Variants in PDZRN4 observed in about 807,000 individuals in gnomAD.
PDZRN4 encodes PDZ domain-containing RING finger protein 4.
PDZRN4 carries 70 observed loss-of-function variants against 99.0 expected under a neutral mutation model. That is an observed-to-expected ratio of 0.71 (90% confidence interval 0.58 to 0.86). The LOEUF is 0.86. PDZRN4 is among the 40% of genes least tolerant of loss of function. The probability of loss-of-function intolerance (pLI) is 0.00; values close to 1 mark genes in which losing one functional copy is unlikely to be tolerated. For missense variants in PDZRN4, 1,474 were observed against 1,331.2 expected (o/e 1.11, Z -1.67); for synonymous variants, 551 against 501.6 (o/e 1.10, Z -1.32).
intron 3 of PDZRN4, chr12:41,437,910 A>T (rs1565582643): frequency 6.2e-7 from 1 of 1,613,856 alleles, no homozygotes; most frequent in Non-Finnish European, 8.5e-7. Flanking sequence ...TTCTGGGGAA[A>T]TTAGAAGATT....
At chr12:41,477,888 C>A (rs1488660754) in intron 3 of PDZRN4, 1 of 1,552,244 alleles carries the variant, frequency 6.4e-7, no homozygotes, top group Non-Finnish European at 8.7e-7. Context: ...TTTCCTTAAA[C>A]CTTTGGCATT....
At chr12:41,439,522 G>A (rs2120463555) in intron 3 of PDZRN4, among the ~76,000 whole-genome samples, 2 of 152,220 alleles carry the variant, frequency 1.3e-5, no homozygotes, top group Admixed American at 1.3e-4. Context: ...ATTATGCCTA[G>A]GTTAAGCTGT....
intron 3 of PDZRN4, among the ~76,000 whole-genome samples, chr12:41,482,892 C>T (rs1937699713): frequency 1.3e-5 from 2 of 151,916 alleles, no homozygotes; most frequent in Admixed American, 6.6e-5. Flanking sequence ...AGCAGGGCAT[C>T]CATCAGAGGT....
chr12:41,475,930 T>C (rs1953039174), intron 3 of PDZRN4, among the ~76,000 whole-genome samples: 2 of 152,206 alleles, frequency 1.3e-5, no homozygotes, highest in Admixed American at 1.3e-4. Flanking sequence ...TTTTAAGCTA[T>C]AGTTCCACAT....
intron 5 of PDZRN4, among the ~76,000 whole-genome samples, chr12:41,548,742 A>T (rs1939002010): frequency 6.6e-6 from 1 of 152,198 alleles, no homozygotes; most frequent in African/African-American, 2.4e-5. Flanking sequence ...AGTTCTATCT[A>T]GAAAGCATTT....
intron 9 of PDZRN4, among the ~76,000 whole-genome samples, chr12:41,569,705 T>C (rs530864695): frequency 6.6e-6 from 1 of 152,344 alleles, no homozygotes; most frequent in South Asian, 2.1e-4. Flanking sequence ...GAAATGTGTA[T>C]GTGTGTGCAC....
intron 3 of PDZRN4, chr12:41,437,682 G>C (rs1952642260): frequency 1.6e-6 from 2 of 1,246,024 alleles, no homozygotes; most frequent in East Asian, 5.5e-5. Flanking sequence ...CTGATGCAGA[G>C]ACGGGGGAGT....
chr12:41,257,113 G>T (rs536569227), intron 3 of PDZRN4, among the ~76,000 whole-genome samples: 20 of 152,190 alleles, frequency 1.3e-4, no homozygotes, highest in Non-Finnish European at 2.6e-4. Flanking sequence ...ACTCCAAATT[G>T]CAGCCTAAGT....
intron 6 of PDZRN4, among the ~76,000 whole-genome samples, chr12:41,554,839 G>T (rs1236578863): frequency 6.6e-6 from 1 of 151,714 alleles, no homozygotes; most frequent in African/African-American, 2.4e-5. Flanking sequence ...GTGTGTGTGT[G>T]TTTCTTGAGC....
intron 3 of PDZRN4, among the ~76,000 whole-genome samples, chr12:41,233,089 A>G (rs1262608828): frequency 6.6e-6 from 1 of 152,110 alleles, no homozygotes; most frequent in African/African-American, 2.4e-5. Context: ...GTATAGTTTG[A>G]AAATAAAAAA....
In PDZRN4 at chr12:41,524,123, T is replaced by A. The variant is rs1938532835; in HGVS notation, c.1203+14210T>A. On this transcript the variant is annotated intron_variant, in intron 5 of 9. Transcript: ENST00000402685. ...ATTTCATTCACAACAGCATTAAAGA[T>A]AAAATACTTAGGAATAAGTATAGCC... Among the ~76,000 whole-genome samples, 5 of 152,110 alleles carry A rather than the reference T, an allele frequency of 3.3e-5. No homozygotes were observed. In the South Asian group the frequency reaches 8.3e-4, roughly 25 times the overall value.
At chr12:41,477,069 A>G (rs2730814) in intron 3 of PDZRN4, among the ~76,000 whole-genome samples, 83,496 of 152,060 alleles carry the variant, frequency 0.55, 24,064 homozygotes, top group African/African-American at 0.74. Flanking sequence ...GATCCATGAT[A>G]AATTTAGTCC....
intron 3 of PDZRN4, among the ~76,000 whole-genome samples, chr12:41,306,882 A>C (rs913514064): frequency 3.9e-5 from 6 of 152,146 alleles, no homozygotes; most frequent in Admixed American, 3.9e-4. Context: ...CCTCATTTCC[A>C]TCTGAGACCT....
intron 3 of PDZRN4, among the ~76,000 whole-genome samples, chr12:41,338,418 C>A (rs539908954): frequency 6.6e-6 from 1 of 151,826 alleles, no homozygotes; most frequent in South Asian, 2.1e-4. Flanking sequence ...TGCTTATGGC[C>A]TTATTTTTCC....
intron 3 of PDZRN4, among the ~76,000 whole-genome samples, chr12:41,428,243 A>G (rs949371388): frequency 6.6e-6 from 1 of 152,232 alleles, no homozygotes; most frequent in Non-Finnish European, 1.5e-5. Context: ...TCCAGGCTCT[A>G]GAATATCTAA....
chr12:41,249,152 C>G (rs903282947), intron 3 of PDZRN4, among the ~76,000 whole-genome samples: 2 of 152,104 alleles, frequency 1.3e-5, no homozygotes, highest in African/African-American at 4.8e-5. Context: ...GATAGAGAAT[C>G]AGTTTCAAAA....
chr12:41,477,668 T>A (rs943640144), intron 3 of PDZRN4, among the ~76,000 whole-genome samples: 8 of 152,150 alleles, frequency 5.3e-5, no homozygotes, highest in Non-Finnish European at 7.4e-5. Flanking sequence ...GTTTCAAAAC[T>A]GGCATGATGT....
At chr12:41,306,625 C>T (rs1377594321) in intron 3 of PDZRN4, among the ~76,000 whole-genome samples, 1 of 152,164 alleles carries the variant, frequency 6.6e-6, no homozygotes, top group Admixed American at 6.5e-5. Context: ...TTTTGCAATA[C>T]AGATAGGCCG....
chr12:41,247,438 A>G (rs573965179), intron 3 of PDZRN4, among the ~76,000 whole-genome samples: 13 of 152,276 alleles, frequency 8.5e-5, no homozygotes, highest in Admixed American at 8.5e-4. Context: ...GGTACACTCC[A>G]CTGACCATTG....
Sources: allele counts gnomAD v4.1 joint callset (sites outside exome capture counted in the v4.1 genomes callset), GRCh38; gene constraint gnomAD v4.1.1; transcripts MANE v1.5; gene names NCBI Gene and HGNC (gene_info 2026-07-23, HGNC 2026-07-21).